The following ROBO2 variants were observed in gnomAD, a reference collection of about 807,000 sequenced individuals.
ROBO2 encodes the protein roundabout guidance receptor 2, also known as roundabout homolog 2.
In ROBO2, 53 loss-of-function variants were observed where a neutral mutation model predicts 160.8. The ratio of observed to expected loss-of-function variants is 0.33; its 90% CI spans 0.26 to 0.41. The LOEUF (loss-of-function observed/expected upper bound fraction) is 0.41. Among genes scored for constraint, ROBO2 ranks in the 10% least tolerant of loss-of-function variants. ROBO2 has a pLI of 1.00. For synonymous variants in ROBO2, 664 were observed against 611.7 expected, an observed-to-expected ratio of 1.09 and a Z score of -1.26; for missense variants, 1,577 against 1,722.4, an observed-to-expected ratio of 0.92 and a Z score of 1.49.
chr3:76,856,453 T>G (rs2070088941), intron 2 of ROBO2, among the ~76,000 whole-genome samples: 1 of 152,204 alleles, frequency 6.6e-6, no homozygotes, highest in African/African-American at 2.4e-5. Flanking sequence ...ACCTATAACC[T>G]ACTCATTTAG....
At chr3:76,696,151 G>A (rs2597251) in intron 2 of ROBO2, among the ~76,000 whole-genome samples, 53,451 of 151,950 alleles carry the variant, frequency 0.35, 9,777 homozygotes, top group East Asian at 0.53. Context: ...GACTTGAGGC[G>A]GGAAAGTCGT....
intron 2 of ROBO2, among the ~76,000 whole-genome samples, chr3:76,415,431 A>G (rs2075715617): frequency 6.6e-6 from 1 of 152,190 alleles, no homozygotes; most frequent in Non-Finnish European, 1.5e-5. Flanking sequence ...CCTCAGATTG[A>G]TATTGCATGG....
intron 12 of ROBO2, 98 bp downstream of exon 13, chr3:77,565,218 G>A (rs986200867): frequency 7.5e-7 from 1 of 1,329,994 alleles, no homozygotes; most frequent in South Asian, 1.2e-5. Flanking sequence ...TGCCTGCATT[G>A]CTTTGTATGA....
At chr3:76,463,210 T>G (rs2078179884) in intron 2 of ROBO2, among the ~76,000 whole-genome samples, 1 of 152,058 alleles carries the variant, frequency 6.6e-6, no homozygotes, top group African/African-American at 2.4e-5. Context: ...GGGAGGACAC[T>G]GTGCACCCCG....
chr3:77,450,832 A>C (rs1325114847), intron 2 of ROBO2, among the ~76,000 whole-genome samples: 1 of 152,100 alleles, frequency 6.6e-6, no homozygotes, highest in African/African-American at 2.4e-5. Flanking sequence ...ACTTTGAGAT[A>C]ATTGACGGTA....
intron 2 of ROBO2, among the ~76,000 whole-genome samples, chr3:76,142,633 A>G (rs2071717220): frequency 6.6e-6 from 1 of 151,960 alleles, no homozygotes; most frequent in Non-Finnish European, 1.5e-5. Flanking sequence ...TTATGGACAT[A>G]GAGAGTAGAA....
intron 2 of ROBO2, among the ~76,000 whole-genome samples, chr3:76,938,766 TA>T (rs1482936398): frequency 6.6e-6 from 1 of 151,922 alleles, no homozygotes; most frequent in Admixed American, 6.6e-5. Flanking sequence ...GGTCGGGAGA[TA>T]AAGATCAGCC....
At chr3:76,783,441 A>G (rs544636324) in intron 2 of ROBO2, among the ~76,000 whole-genome samples, 1 of 150,744 alleles carries the variant, frequency 6.6e-6, no homozygotes, top group South Asian at 2.1e-4. Flanking sequence ...TTTGTCTGGG[A>G]ATGTCCTTAT....
intron 2 of ROBO2, among the ~76,000 whole-genome samples, chr3:75,946,126 G>C (rs1335431295): frequency 2.6e-5 from 4 of 152,028 alleles, no homozygotes; most frequent in African/African-American, 7.2e-5. Flanking sequence ...TTAATGCTTT[G>C]CTTTTGTCAA....
intron 2 of ROBO2, among the ~76,000 whole-genome samples, chr3:77,379,424 G>A (rs1031179145): frequency 3.3e-5 from 5 of 151,922 alleles, no homozygotes; most frequent in African/African-American, 1.2e-4. Flanking sequence ...CTCTGTGAAT[G>A]TATTCTGGTT....
chr3:77,281,618 A>T (rs1380892866), intron 2 of ROBO2, among the ~76,000 whole-genome samples: 2 of 152,162 alleles, frequency 1.3e-5, no homozygotes, highest in East Asian at 3.8e-4. Flanking sequence ...CAAGTCTCTG[A>T]TATAAAATAA....
intron 2 of ROBO2, among the ~76,000 whole-genome samples, chr3:77,220,857 C>T (rs1225665205): frequency 6.6e-6 from 1 of 151,896 alleles, no homozygotes; most frequent in Non-Finnish European, 1.5e-5. Context: ...GAACTCACCT[C>T]CTAAGTATTG....
In ROBO2 at chr3:77,563,158, CCT is replaced by C; in HGVS notation, c.1520-6_1520-5del. ...CAGGAATGAAGTTTTTTCTGTCTGTCCTCTATAGAGTCTGGAGCAACAATCAG... is the reference window on the plus strand; with the variant it reads ...CAGGAATGAAGTTTTTTCTGTCTGTCCTATAGAGTCTGGAGCAACAATCAG... On this transcript the variant is annotated splice_polypyrimidine_tract_variant and splice_region_variant and intron_variant, in intron 10 of 25. Transcript: ENST00000461745. The C allele has an allele frequency of 6.2e-7, 1 of 1,612,670 alleles. No homozygotes were observed.
chr3:76,815,765 C>A (rs1016288617), intron 2 of ROBO2, among the ~76,000 whole-genome samples: 4 of 151,946 alleles, frequency 2.6e-5, no homozygotes, highest in Non-Finnish European at 5.9e-5. Context: ...GCCCCCAAAC[C>A]CTCTGGTAAC....
intron 2 of ROBO2, among the ~76,000 whole-genome samples, chr3:77,139,942 A>T (rs965449040): frequency 6.6e-6 from 1 of 152,216 alleles, no homozygotes; most frequent in African/African-American, 2.4e-5. Context: ...CTCAGAGAGT[A>T]TATCTTTACC....
rs143482841 is a variant in ROBO2, at chr3:76,504,624, G to A, written c.109+567022G>A. 2.6e-3 allele frequency among the ~76,000 whole-genome samples: 360 copies of A among 141,156 alleles called. 2 individuals are homozygous for A. Among genetic ancestry groups the A allele is most frequent in the African/African-American group, 9.3e-3 (350 of 37,548 alleles). The allele number at this position is 141,156 out of a possible 152,430, so 92.6% of individuals were successfully genotyped here. ...GCTCATTGCAACCTCTGCCTCCTGG[G>A]TTCACGCCATTCTCCTGCCTCAGCC... On this transcript the variant is annotated intron_variant, in intron 2 of 26. Coordinates refer to the ROBO2 transcript ENST00000487694.
chr3:76,134,276 TTC>T (rs976643610), intron 2 of ROBO2, among the ~76,000 whole-genome samples: 7 of 151,076 alleles, frequency 4.6e-5, no homozygotes, highest in African/African-American at 4.9e-5. Flanking sequence ...TACTTTTTTT[TTC>T]TCTCTCTCTC....
At chr3:76,560,616 CAAAAA>C (rs1160642120) in intron 2 of ROBO2, among the ~76,000 whole-genome samples, 1 of 108,026 alleles carries the variant, frequency 9.3e-6, no homozygotes, top group African/African-American at 3.4e-5. Flanking sequence ...TCTGATTTCA[CAAAAA>C]AAAAAAAAAG....
intron 2 of ROBO2, among the ~76,000 whole-genome samples, chr3:77,172,938 A>T (rs2079780688): frequency 6.6e-6 from 1 of 152,216 alleles, no homozygotes; most frequent in South Asian, 2.1e-4. Context: ...TGAAGTATTT[A>T]TCCCATTTCC....
Sources: gnomAD v4.1 joint callset for allele counts (sites outside exome capture counted in the v4.1 genomes callset) on GRCh38, gnomAD v4.1.1 for gene constraint, MANE v1.5 for transcripts, NCBI Gene and HGNC (gene_info 2026-07-23, HGNC 2026-07-21) for gene names.